The following MTM1 variants were observed in gnomAD, a reference collection of about 807,000 sequenced individuals.
MTM1 encodes myotubularin 1.
MTM1 carries 9 observed loss-of-function variants against 52.1 expected under a neutral mutation model. The observed-to-expected ratio is 0.17, with a 90% CI of 0.10 to 0.30. The LOEUF (loss-of-function observed/expected upper bound fraction) is 0.30, where lower values mean the gene tolerates loss of function less well. MTM1 is among the 10% of genes least tolerant of loss of function. The probability of loss-of-function intolerance (pLI) is 1.00; values close to 1 mark genes in which losing one functional copy is unlikely to be tolerated. For missense variants in MTM1, 277 were observed against 470.7 expected (o/e 0.59, Z 3.81); for synonymous variants, 136 against 163.8 (o/e 0.83, Z 1.29).
intron 4 of MTM1, among the ~76,000 whole-genome samples, chrX:150,612,471 T>C (rs2039300495): frequency 9.0e-6 from 1 of 111,327 alleles, no homozygotes; most frequent in Non-Finnish European, 1.9e-5. Flanking sequence ...GCAGGAGGAT[T>C]GCTTGAGCCC....
chrX:150,649,991 T>C, intron 10 of MTM1, 90 bp downstream of exon 10: 7 of 859,918 alleles, frequency 8.1e-6, no homozygotes, highest in Non-Finnish European at 1.2e-5. Context: ...CTTAAAAAAA[T>C]GGACATTGAG....
At chrX:150,590,865 C>T (rs1557412448) in intron 1 of MTM1, among the ~76,000 whole-genome samples, 7 of 111,774 alleles carry the variant, frequency 6.3e-5, no homozygotes, top group Non-Finnish European at 5.6e-5. Flanking sequence ...ATTAAAGTAT[C>T]TATACTAAAA....
At chrX:150,601,118 A>G (rs191400180) in intron 4 of MTM1, among the ~76,000 whole-genome samples, 7 of 112,075 alleles carry the variant, frequency 6.2e-5, no homozygotes, top group Admixed American at 5.7e-4. Context: ...AATTGGAAGA[A>G]TTCTCAGCAA....
intron 1 of MTM1, among the ~76,000 whole-genome samples, chrX:150,572,861 G>T (rs1424783570): frequency 8.9e-6 from 1 of 112,841 alleles, no homozygotes; most frequent in Non-Finnish European, 1.9e-5. Flanking sequence ...GCCTTTTCTC[G>T]TTAAAGTTGT....
chrX:150,657,311 A>T (rs782381515), intron 10 of MTM1, among the ~76,000 whole-genome samples: 1 of 111,346 alleles, frequency 9.0e-6, no homozygotes, highest in South Asian at 3.8e-4. Flanking sequence ...GGATGAGTTC[A>T]TGTCCTTTGT....
At chrX:150,658,600 T>C (rs1557414550) in intron 11 of MTM1, among the ~76,000 whole-genome samples, 1 of 110,841 alleles carries the variant, frequency 9.0e-6, no homozygotes, top group Non-Finnish European at 1.9e-5. Context: ...TTTTTTAAAA[T>C]AACCCCCCCA....
chrX:150,585,657 G>A (rs2038773522), intron 1 of MTM1, among the ~76,000 whole-genome samples: 1 of 111,757 alleles, frequency 8.9e-6, no homozygotes, highest in African/African-American at 3.3e-5. Context: ...GCAGATGCAC[G>A]GGAACTTGAT....
At chrX:150,634,427 C>T (rs2039722072) in intron 6 of MTM1, among the ~76,000 whole-genome samples, 1 of 112,239 alleles carries the variant, frequency 8.9e-6, no homozygotes, top group Non-Finnish European at 1.9e-5. Flanking sequence ...AGAGACTTTA[C>T]CCCCACAAGT....
intron 8 of MTM1, 108 bp downstream of exon 8, chrX:150,641,526 A>G: frequency 4.2e-6 from 4 of 951,807 alleles, no homozygotes; most frequent in Non-Finnish European, 6.0e-6. Flanking sequence ...CCCAAAAAAT[A>G]CTTACTAAGT....
At chrX:150,668,736 G>A (rs781809042) in intron 14 of MTM1, among the ~76,000 whole-genome samples, 5 of 110,007 alleles carry the variant, frequency 4.5e-5, no homozygotes, top group Admixed American at 9.7e-5. Flanking sequence ...AAACAGAAAC[G>A]TAATACTAAA....
rs1259244148 is a variant in MTM1 at position 150,583,657 on chromosome X, TTA to T, written c.-10-8941_-10-8940del. ...ATATATAATATATAATTTATATATA[TTA>T]TATATAATTTATATATAAATAATTT... On this transcript the variant is annotated intron_variant, in intron 1 of 14. Transcript: ENST00000370396. 2.4e-4 allele frequency among the ~76,000 whole-genome samples: 9 copies of T among 38,062 alleles called. 2 individuals carry two copies. The highest frequency in any genetic ancestry group is 3.7e-4 in the Non-Finnish European group (9 of 24,234). The allele number at this position is 38,062 out of a possible 115,157, so 33.1% of individuals were successfully genotyped here.
chrX:150,653,567 T>G (rs1373975275), intron 10 of MTM1, among the ~76,000 whole-genome samples: 1 of 112,354 alleles, frequency 8.9e-6, no homozygotes, highest in Non-Finnish European at 1.9e-5. Flanking sequence ...TATACTATCT[T>G]ATAGCCCTGG....
upstream of MTM1, among the ~76,000 whole-genome samples, chrX:150,568,466 T>A (rs1444401529): frequency 8.8e-6 from 1 of 113,642 alleles, no homozygotes; most frequent in Admixed American, 9.2e-5. Context: ...CCTTCGGAGC[T>A]GCTCCCCAGG....
At position 150,583,606 on chromosome X, in the gene MTM1, TA is replaced by T. The variant is rs1278356592; in HGVS notation, c.-10-8997del. Among the ~76,000 whole-genome samples the T allele has an allele frequency of 1.5e-4, 5 of 34,445 alleles. 1 individual carries two copies. Among genetic ancestry groups the T allele is most frequent in the Non-Finnish European group, 2.2e-4 (5 of 22,783 alleles). The allele number at this position is 34,445 out of a possible 115,157, so 29.9% of individuals were successfully genotyped here. A position where few individuals can be genotyped will look rare whatever the true frequency, so the allele number is the denominator to read the frequency against. On this transcript the variant is annotated intron_variant, in intron 1 of 14. Transcript: ENST00000370396. Reference sequence around the variant, plus strand: ...ATATATATAATTTATATATAATATATAATTTATATATATTATATATAATTTA... The same window carrying T: ...ATATATATAATTTATATATAATATATATTTATATATATTATATATAATTTA...
intron 6 of MTM1, among the ~76,000 whole-genome samples, chrX:150,623,580 G>A (rs2039517796): frequency 9.0e-6 from 1 of 110,943 alleles, no homozygotes; most frequent in African/African-American, 3.3e-5. Flanking sequence ...TTTGTGGAAA[G>A]AAATCTTGCC....
At chrX:150,615,256 C>T (rs982574498) in intron 5 of MTM1, among the ~76,000 whole-genome samples, 1 of 111,428 alleles carries the variant, frequency 9.0e-6, no homozygotes, top group Admixed American at 9.5e-5. Context: ...GAGCCCGAGG[C>T]TCCAAAGAGT....
intron 6 of MTM1, among the ~76,000 whole-genome samples, chrX:150,620,224 C>T (rs2039454425): frequency 8.9e-6 from 1 of 111,890 alleles, no homozygotes; most frequent in Non-Finnish European, 1.9e-5. Flanking sequence ...CAGAAATTGA[C>T]AGAATGGCAG....
upstream of MTM1, among the ~76,000 whole-genome samples, chrX:150,563,707 G>A (rs1297785468): frequency 9.7e-6 from 1 of 103,463 alleles, no homozygotes; most frequent in Non-Finnish European, 2.0e-5. Context: ...CCAACATGGT[G>A]AAACCCCGTC....
At chrX:150,605,317 C>CCCTT (rs1243491749) in intron 4 of MTM1, among the ~76,000 whole-genome samples, 1 of 112,228 alleles carries the variant, frequency 8.9e-6, no homozygotes, top group Non-Finnish European at 1.9e-5. Context: ...CAGATCCTAA[C>CCCTT]CCTTGGTCAG....
Sources: allele counts gnomAD v4.1 joint callset (sites outside exome capture counted in the v4.1 genomes callset), GRCh38; gene constraint gnomAD v4.1.1; transcripts MANE v1.5; gene names NCBI Gene and HGNC (gene_info 2026-07-23, HGNC 2026-07-21).